The following NALF1 variants were observed in gnomAD, a reference collection of about 807,000 sequenced individuals.
NALF1 encodes the protein NALCN channel auxiliary factor 1.
In NALF1, 3 loss-of-function variants were observed where a neutral mutation model predicts 48.4. The ratio of observed to expected loss-of-function variants is 0.06; its 90% CI spans 0.03 to 0.16. The LOEUF (loss-of-function observed/expected upper bound fraction) is 0.16. Ranked by LOEUF, NALF1 falls within the 10% of genes least tolerant of loss-of-function variation. The pLI is 1.00. For synonymous variants in NALF1, 262 were observed against 245.7 expected (o/e 1.07, Z -0.62); for missense variants, 526 against 571.5 (o/e 0.92, Z 0.81).
intron 1 of NALF1, among the ~76,000 whole-genome samples, chr13:107,728,342 T>C (rs367549427): frequency 1.3e-5 from 2 of 152,174 alleles, no homozygotes; most frequent in Non-Finnish European, 2.9e-5. Flanking sequence ...CCATGGAATA[T>C]TATGCAGCCA....
At chr13:107,594,300 G>C (rs763830245) in intron 1 of NALF1, among the ~76,000 whole-genome samples, 1 of 151,974 alleles carries the variant, frequency 6.6e-6, no homozygotes, top group African/African-American at 2.4e-5. Flanking sequence ...GTGAAAATTA[G>C]GCACTCAACA....
chr13:107,765,081 T>A (rs1877385878), intron 1 of NALF1, among the ~76,000 whole-genome samples: 1 of 152,180 alleles, frequency 6.6e-6, no homozygotes, highest in African/African-American at 2.4e-5. Flanking sequence ...GATATATTTG[T>A]CACTTCTCTG....
At chr13:107,248,149 C>T (rs528365138) in intron 1 of NALF1, among the ~76,000 whole-genome samples, 2 of 151,320 alleles carry the variant, frequency 1.3e-5, no homozygotes, top group African/African-American at 4.8e-5. Flanking sequence ...TTTAGAAAGG[C>T]AAAGAAAAAA....
At chr13:107,455,361 CT>C (rs1279159296) in intron 1 of NALF1, among the ~76,000 whole-genome samples, 11 of 150,380 alleles carry the variant, frequency 7.3e-5, no homozygotes, top group African/African-American at 2.2e-4. Flanking sequence ...AATCTTTTGC[CT>C]TTTAAAAAAA....
chr13:107,497,725 G>C (rs1024292730), intron 1 of NALF1, among the ~76,000 whole-genome samples: 1 of 152,150 alleles, frequency 6.6e-6, no homozygotes, highest in Non-Finnish European at 1.5e-5. Flanking sequence ...TGTGTATACA[G>C]GTTTTTCTCA....
intron 1 of NALF1, among the ~76,000 whole-genome samples, chr13:107,727,128 A>G (rs908120192): frequency 6.6e-6 from 1 of 152,126 alleles, no homozygotes; most frequent in African/African-American, 2.4e-5. Flanking sequence ...CCATGGTAGT[A>G]AAGGATATCG....
intron 1 of NALF1, among the ~76,000 whole-genome samples, chr13:107,696,978 C>T (rs2138508609): frequency 6.6e-6 from 1 of 152,102 alleles, no homozygotes; most frequent in East Asian, 1.9e-4. Context: ...TGTTCCTCTC[C>T]TATAACCTGT....
intron 1 of NALF1, among the ~76,000 whole-genome samples, chr13:107,639,962 C>T (rs4526882): frequency 0.68 from 103,102 of 152,072 alleles, 35,560 homozygotes; most frequent in East Asian, 1. Context: ...TCTTATATTA[C>T]AGCTGTTTTG....
intron 1 of NALF1, among the ~76,000 whole-genome samples, chr13:107,837,146 C>T (rs1202680085): frequency 6.6e-6 from 1 of 152,146 alleles, no homozygotes; most frequent in African/African-American, 2.4e-5. Context: ...TTTGAAATGT[C>T]TCAGAAATGT....
At chr13:107,802,216 A>G (rs1253568704) in intron 1 of NALF1, among the ~76,000 whole-genome samples, 9 of 152,134 alleles carry the variant, frequency 5.9e-5, no homozygotes, top group Non-Finnish European at 2.9e-5. Flanking sequence ...GACTCTCCCT[A>G]TATTTTTCAC....
intron 1 of NALF1, among the ~76,000 whole-genome samples, chr13:107,784,774 A>G (rs538555926): frequency 1.2e-3 from 190 of 152,294 alleles, no homozygotes; most frequent in South Asian, 2.1e-3. Flanking sequence ...GGATGTGGCA[A>G]TTAGGGAATC....
chr13:107,544,841 A>C (rs1029714126), intron 1 of NALF1, among the ~76,000 whole-genome samples: 1 of 152,194 alleles, frequency 6.6e-6, no homozygotes, highest in Non-Finnish European at 1.5e-5. Context: ...AATATTTGGA[A>C]CATCAATTCT....
chr13:107,469,042 CTGAGGTTTTACTTTTACCGAT>C (rs1885053542), intron 1 of NALF1, among the ~76,000 whole-genome samples: 1 of 152,008 alleles, frequency 6.6e-6, no homozygotes, highest in Admixed American at 6.6e-5. Context: ...TCCAAGGTCT[CTGAGGTTTTACTTTTACCGAT>C]ATACTCACTT....
intron 1 of NALF1, among the ~76,000 whole-genome samples, chr13:107,268,832 A>G (rs1294876552): frequency 6.6e-6 from 1 of 152,220 alleles, no homozygotes; most frequent in Non-Finnish European, 1.5e-5. Flanking sequence ...TGTAGGGAGA[A>G]CAACAGGGTA....
At chr13:107,653,544 G>A (rs1353163363) in intron 1 of NALF1, among the ~76,000 whole-genome samples, 2 of 151,800 alleles carry the variant, frequency 1.3e-5, no homozygotes, top group Non-Finnish European at 2.9e-5. Flanking sequence ...AATGTCACTA[G>A]CTCTAGTTTT....
chr13:107,440,247 T>C (rs1163580538), intron 1 of NALF1, among the ~76,000 whole-genome samples: 1 of 152,182 alleles, frequency 6.6e-6, no homozygotes, highest in Non-Finnish European at 1.5e-5. Context: ...GTACTGTACT[T>C]ATCTGAGTTG....
At chr13:107,748,658 T>C (rs1876848341) in intron 1 of NALF1, among the ~76,000 whole-genome samples, 1 of 152,214 alleles carries the variant, frequency 6.6e-6, no homozygotes, top group African/African-American at 2.4e-5. Context: ...TCAGTAGCAG[T>C]GAGCATCCTC....
At chr13:107,340,466 C>CTTTCTTTCTTTCTTTCTTTCT (rs201495618) in intron 1 of NALF1, among the ~76,000 whole-genome samples, 1 of 101,794 alleles carries the variant, frequency 9.8e-6, no homozygotes, top group Non-Finnish European at 2.4e-5. Flanking sequence ...TTCTTTCTTT[C>CTTTCTTTCTTTCTTTCTTTCT]TTCTCTCTTT....
At chr13:107,635,040 C>A (rs182002675) in intron 1 of NALF1, among the ~76,000 whole-genome samples, 1 of 152,234 alleles carries the variant, frequency 6.6e-6, no homozygotes, top group East Asian at 1.9e-4. Context: ...AGCATTAGTA[C>A]ACACAAGCAA....
Sources: gnomAD v4.1 joint callset for allele counts (sites outside exome capture counted in the v4.1 genomes callset) on GRCh38, gnomAD v4.1.1 for gene constraint, MANE v1.5 for transcripts, NCBI Gene and HGNC (gene_info 2026-07-23, HGNC 2026-07-21) for gene names.